The following ECE2 variants were observed in gnomAD, a reference collection of about 807,000 sequenced individuals.
ECE2 encodes endothelin-converting enzyme 2.
A neutral mutation model predicts 100.6 loss-of-function variants in ECE2; 81 were observed. The ratio of observed to expected loss-of-function variants is 0.81; its 90% CI spans 0.67 to 0.97. The LOEUF (loss-of-function observed/expected upper bound fraction) is 0.97. ECE2 is among the 50% of genes least tolerant of loss of function. The pLI, the probability that ECE2 is intolerant of heterozygous loss-of-function variation, is 0.00. For synonymous variants in ECE2, 391 were observed against 391.5 expected, an observed-to-expected ratio of 1.00 and a Z score of 0.02; for missense variants, 911 against 988.1, an observed-to-expected ratio of 0.92 and a Z score of 1.05.
In ECE2 at chr3:184,276,091, G is replaced by GC; in HGVS notation, c.-61dup. 1 of 1,254,484 alleles carries GC rather than the reference G, an allele frequency of 8.0e-7. No homozygotes were observed. The allele number at this position is 1,254,484 out of a possible 1,614,324, so 77.7% of individuals were successfully genotyped here. Reference sequence around the variant, plus strand: ...CGGCGGGGCCGGGCAGGGGACCGGGGCCGCGGCCCGGGAGCGGGCCAGCTG... The same window carrying GC: ...CGGCGGGGCCGGGCAGGGGACCGGGGCCCGCGGCCCGGGAGCGGGCCAGCTG... On this transcript the variant is annotated 5_prime_UTR_variant, in exon 1 of 19. The change abolishes the stop of an existing upstream ORF in the 5' untranslated region. Coordinates refer to ENST00000404464, the MANE Select transcript of ECE2 (RefSeq NM_001100121.2).
intron 4 of ECE2, 126 bp from the exon 5 acceptor site, chr3:184,277,797 ACT>A (rs1470089792): frequency 3.6e-5 from 51 of 1,425,824 alleles, no homozygotes; most frequent in Admixed American, 6.4e-5. Context: ...TGTTTCAGAC[ACT>A]CTTCCTGGGT....
intron 2 of ECE2, 120 bp downstream of exon 2, chr3:184,276,687 C>T (rs1203571908): frequency 1.6e-5 from 25 of 1,551,654 alleles, no homozygotes; most frequent in African/African-American, 2.7e-5. Flanking sequence ...CCATCTCTGG[C>T]CTCTGCTCTA....
rs3752904 is a variant in ECE2 at position 184,278,280 on chromosome 3, C to G, written c.717C>G (p.Ala239=). The change falls in exon 6 of 19, where the codon GCC becomes GCG. Residue 239 remains alanine, a synonymous_variant. Coordinates refer to ENST00000404464, the MANE Select transcript of ECE2 (RefSeq NM_001100121.2). The part of the protein sequence containing the change: ...ATPFFTVYIS[A]DSKSSNSNVI... Reference sequence around the variant, plus strand: ...CATTCTTCACCGTCTACATCAGTGCCGACTCTAAGAGTTCCAACAGCAATG... The same window carrying G: ...CATTCTTCACCGTCTACATCAGTGCGGACTCTAAGAGTTCCAACAGCAATG... The G allele has an allele frequency of 6.2e-7, 1 of 1,613,796 alleles. No individual in the cohort carries two copies. Among genetic ancestry groups the G allele is most frequent in the Non-Finnish European group, 8.5e-7 (1 of 1,179,928 alleles).
chr3:184,276,419 A>G (rs543037314), intron 1 of ECE2, 62 bp from the exon 2 acceptor site: 395 of 1,555,650 alleles, frequency 2.5e-4, no homozygotes, highest in Non-Finnish European at 3.3e-4. Flanking sequence ...GCACTGGGGC[A>G]GGGTCGTGGG....
chr3:184,290,342 C>A lies in ECE2; in HGVS notation c.1639C>A (p.Pro547Thr). The A allele has an allele frequency of 1.2e-6, 2 of 1,614,016 alleles. No individual in the cohort carries two copies. The highest frequency in any genetic ancestry group is 8.5e-7 in the Non-Finnish European group (1 of 1,179,970). The change falls in exon 14 of 19, where the codon CCT becomes ACT. Residue 547 changes from proline to threonine, a missense_variant. By Grantham distance (38) the Pro-to-Thr change is conservative. Coordinates refer to ENST00000404464, the MANE Select transcript of ECE2 (RefSeq NM_001100121.2). ...AKVMADQLRK[P>T]PSRDQWSMTP... ...GGTTATGGCTGACCAGCTCCGCAAG[C>A]CTCCCAGCCGAGACCAGTGAGAATG...
At chr3:184,284,281 A>G (rs546280221) in intron 8 of ECE2, among the ~76,000 whole-genome samples, 1 of 152,198 alleles carries the variant, frequency 6.6e-6, no homozygotes, top group African/African-American at 2.4e-5. Context: ...GGTGGCTGAC[A>G]TCTGTAATCC....
chr3:184,285,522 C>T lies in ECE2; in HGVS notation c.1193C>T (p.Thr398Ile). 1 of 1,614,154 alleles carries T rather than the reference C, an allele frequency of 6.2e-7. No individual in the cohort carries two copies. The highest frequency in any genetic ancestry group is 8.5e-7 in the Non-Finnish European group (1 of 1,180,032). The stretch of plus-strand genomic sequence containing the variant: ...ATCTGGAACCTGGTGCAAAAGACAA[C>T]CTCAAGCCTGGACCGACGCTTTGAG... ...YLIWNLVQKT[T>I]SSLDRRFESA... Residue 398 changes from threonine to isoleucine, a missense_variant, in exon 10 of 19, where the codon ACC becomes ATC. By Grantham distance (89) the Thr-to-Ile change is moderately conservative. Transcript: ENST00000404464.
At chr3:184,281,481 G>A (rs1449102606) in intron 7 of ECE2, among the ~76,000 whole-genome samples, 1 of 152,250 alleles carries the variant, frequency 6.6e-6, no homozygotes, top group Non-Finnish European at 1.5e-5. Context: ...GGGAGCAGGA[G>A]GGGCATGCGG....
intron 14 of ECE2, 49 bp from the exon 15 acceptor site, chr3:184,290,508 C>T: frequency 6.3e-7 from 1 of 1,585,886 alleles, no homozygotes; most frequent in Non-Finnish European, 8.6e-7. Context: ...GGGAGGGGAG[C>T]AGTGTCAGGA....
chr3:184,278,655 G>A (rs1431015726), intron 7 of ECE2, 98 bp downstream of exon 7: 3 of 1,309,464 alleles, frequency 2.3e-6, no homozygotes, highest in Non-Finnish European at 1.1e-6. Context: ...CAGGGAAGGT[G>A]AGCCTATCCT....
Position 184,292,288 on chromosome 3 carries a change from C to T in ECE2, c.*50C>T. 1 of 1,603,420 alleles carries T rather than the reference C, an allele frequency of 6.2e-7. No individual in the cohort carries two copies. Among genetic ancestry groups the T allele is most frequent in the Non-Finnish European group, 8.5e-7 (1 of 1,172,574 alleles). On this transcript the variant is annotated 3_prime_UTR_variant, in exon 19 of 19. Transcript: ENST00000404464. ...AGCTGTCACCAGACCTGGGGCAGCT[C>T]TCCTGACAAAGCTGTTTGCTCTTGG...
Position 184,289,684 on chromosome 3 carries a change from T to G in ECE2, c.1517T>G (p.Leu506Arg). Residue 506 changes from leucine to arginine, a missense_variant, in exon 13 of 19, where the codon CTG becomes CGG. Transcript: ENST00000404464. This position sits in a 1 kb window ranked among gnomAD's most constrained non-coding sequence, Gnocchi z 4.1. ...ATGATTGGTTTCCCAGACTTTATCC[T>G]GGAGCCCAAAGAGCTGGATGATGTT... is the stretch of plus-strand genomic sequence containing the variant. ...YDMIGFPDFI[L>R]EPKELDDVYD... 1 of 1,613,634 alleles carries G rather than the reference T, an allele frequency of 6.2e-7. No homozygotes were observed. Among genetic ancestry groups the G allele is most frequent in the Non-Finnish European group, 8.5e-7 (1 of 1,179,824 alleles).
In ECE2 at chr3:184,277,581, A is replaced by G. The variant is rs144578910; in HGVS notation, c.478+115A>G. Reference sequence around the variant, plus strand: ...GAATGAGGAAGTGGATGGTTCTGTGAACACTCCAGAGGGTGGGGAGGCAGA... The same window carrying G: ...GAATGAGGAAGTGGATGGTTCTGTGGACACTCCAGAGGGTGGGGAGGCAGA... On this transcript the variant is annotated intron_variant, in intron 4 of 18. Transcript: ENST00000404464. The G allele has an allele frequency of 2.1e-4, 252 of 1,182,780 alleles. No homozygotes were observed. The African/African-American group carries it at 3.4e-3, about 16-fold the overall frequency. 73.3% of individuals were successfully genotyped at this position (1,182,780 alleles called of 1,614,324 possible).
At chr3:184,282,072 CTG>C (rs756182902) in intron 7 of ECE2, among the ~76,000 whole-genome samples, 3 of 152,216 alleles carry the variant, frequency 2.0e-5, no homozygotes, top group African/African-American at 4.8e-5. Context: ...GCACTTCAGC[CTG>C]GGCGACAGAG....
In ECE2 at chr3:184,276,541, G is replaced by A. The variant is rs769657755; in HGVS notation, c.100G>A (p.Gly34Ser). 1 of 1,611,560 alleles carries A rather than the reference G, an allele frequency of 6.2e-7. No individual in the cohort carries two copies. ...AGACGCACCCGAGACCCCCGTAGAG[G>A]GCGGGGCCTCCCCGGACGCCATGGA... ...DEDAPETPVE[G>S]GASPDAMEVG... Residue 34 changes from glycine (G) to serine (S), a missense_variant, in exon 2 of 19, where the codon GGC becomes AGC. Coordinates refer to ENST00000404464, the MANE Select transcript of ECE2 (RefSeq NM_001100121.2).
Position 184,292,124 on chromosome 3 carries a change from C to T in ECE2, c.2184C>T (p.Ser728=). The T allele has an allele frequency of 6.2e-7, 1 of 1,614,012 alleles. No homozygotes were observed. Among genetic ancestry groups the T allele is most frequent in the Non-Finnish European group, 8.5e-7 (1 of 1,180,012 alleles). Residue 728 remains serine, a synonymous_variant, in exon 19 of 19, where the codon AGC becomes AGT. Transcript: ENST00000404464. The stretch of plus-strand genomic sequence containing the variant: ...AGGGGCTGGTGACCGACCCCCACAG[C>T]CCTGCCCGCTTCCGCGTGCTGGGCA... ...SHEGLVTDPH[S]PARFRVLGTL...
intron 7 of ECE2, 50 bp from the exon 8 acceptor site, chr3:184,283,735 C>T: frequency 6.3e-7 from 1 of 1,588,456 alleles, no homozygotes; most frequent in East Asian, 2.3e-5. Context: ...AGATCTCAGC[C>T]TTGGGCAGGA....
rs1720537204 is a variant in ECE2, at chr3:184,276,191, A to G, written c.38A>G (p.Asn13Ser). The change falls in exon 1 of 19, where the codon AAC (asparagine) becomes AGC (serine). Residue 13 changes from asparagine (N) to serine (S), a missense_variant and splice_region_variant. Transcript: ENST00000404464. ...VALQELGAGSNMVEYKRATLR... is the reference protein window; with the variant it reads ...VALQELGAGSSMVEYKRATLR... ...CTGCAGGAGCTGGGAGCTGGCAGCA[A>G]CGTGAGTGGGGGCCCCGGGCTCCAC... is the stretch of plus-strand genomic sequence containing the variant. 2.1e-6 allele frequency: 3 copies of G among 1,445,988 alleles called. No homozygotes were observed. The highest frequency in any genetic ancestry group is 2.8e-5 in the Admixed American group (1 of 36,018). 89.6% of individuals were successfully genotyped at this position (1,445,988 alleles called of 1,614,324 possible).
intron 7 of ECE2, among the ~76,000 whole-genome samples, chr3:184,282,323 G>A (rs1720845166): frequency 6.6e-6 from 1 of 152,136 alleles, no homozygotes; most frequent in South Asian, 2.1e-4. Flanking sequence ...GGAGGAATTT[G>A]AAATACACAG....
Sources: allele counts gnomAD v4.1 joint callset (sites outside exome capture counted in the v4.1 genomes callset), GRCh38; gene constraint gnomAD v4.1.1; non-coding constraint Gnocchi (gnomAD v3.1); transcripts MANE v1.5; gene names NCBI Gene and HGNC (gene_info 2026-07-23, HGNC 2026-07-21).